Variants in MARCHF1 observed in about 807,000 individuals in gnomAD.
MARCHF1 encodes the protein membrane associated ring-CH-type finger 1, also known as E3 ubiquitin-protein ligase MARCHF1.
A neutral mutation model predicts 54.2 loss-of-function variants in MARCHF1; 40 were observed. That is an observed-to-expected ratio of 0.74 (90% CI 0.57 to 0.96). MARCHF1 has a LOEUF of 0.96. Ranked by LOEUF, MARCHF1 falls within the 40% of genes least tolerant of loss-of-function variation. The pLI, the probability that MARCHF1 is intolerant of heterozygous loss-of-function variation, is 0.00. For missense variants in MARCHF1, 586 were observed against 656.5 expected (o/e 0.89, Z 1.17); for synonymous variants, 236 against 236.3 (o/e 1.00, Z 0.01).
chr4:163,736,193 G>C (rs6536752), intron 4 of MARCHF1, among the ~76,000 whole-genome samples: 71,854 of 151,736 alleles, frequency 0.47, 17,073 homozygotes, highest in Admixed American at 0.51. Flanking sequence ...TTCTTTTTGG[G>C]ATATCCTAAT....
chr4:163,789,852 T>C (rs114678606), intron 4 of MARCHF1, among the ~76,000 whole-genome samples: 177 of 152,192 alleles, frequency 1.2e-3, no homozygotes, highest in Non-Finnish European at 2.1e-3. Context: ...TGCTCATCTA[T>C]TAAGTAGAAG....
chr4:163,938,320 G>A (rs1751844250), intron 3 of MARCHF1, among the ~76,000 whole-genome samples: 1 of 152,196 alleles, frequency 6.6e-6, no homozygotes, highest in South Asian at 2.1e-4. Flanking sequence ...TCCAATGATG[G>A]CAAATTACTA....
chr4:163,678,918 G>T (rs1217730075), intron 5 of MARCHF1, among the ~76,000 whole-genome samples: 1 of 152,122 alleles, frequency 6.6e-6, no homozygotes, highest in Non-Finnish European at 1.5e-5. Flanking sequence ...AATTTTATTT[G>T]ATGGTTTTAA....
At chr4:164,276,041 C>T (rs1733873022) in intron 1 of MARCHF1, among the ~76,000 whole-genome samples, 2 of 152,166 alleles carry the variant, frequency 1.3e-5, no homozygotes, top group Admixed American at 1.3e-4. Context: ...CCCATTTCAA[C>T]AATCTAAGTA....
At chr4:164,264,633 C>T (rs548505532) in intron 1 of MARCHF1, among the ~76,000 whole-genome samples, 1 of 152,014 alleles carries the variant, frequency 6.6e-6, no homozygotes, top group Admixed American at 6.6e-5. Context: ...ATGAGACCCA[C>T]CACTGGCTGG....
At position 164,313,544 on chromosome 4, in the gene MARCHF1, C is replaced by T. The variant is rs145657539; in HGVS notation, c.-323+70326G>A. On this transcript the variant is annotated intron_variant, in intron 1 of 9. Coordinates refer to ENST00000514618, the MANE Select transcript of MARCHF1 (RefSeq NM_001394959.1). Reference sequence around the variant, plus strand: ...AGAAATAAAGGAACAAAGCCTGAGACATGCCAGGCAGAGTAGTGAAGTGGG... The same window carrying T: ...AGAAATAAAGGAACAAAGCCTGAGATATGCCAGGCAGAGTAGTGAAGTGGG... Among the ~76,000 whole-genome samples, 184 of 152,210 alleles carry T rather than the reference C, an allele frequency of 1.2e-3. 4 individuals are homozygous for T. In the East Asian group the frequency reaches 0.033, roughly 27 times the overall value.
At chr4:163,587,719 C>T (rs1740454902) in intron 7 of MARCHF1, among the ~76,000 whole-genome samples, 1 of 152,028 alleles carries the variant, frequency 6.6e-6, no homozygotes, top group Non-Finnish European at 1.5e-5. Context: ...CAGCAGCATG[C>T]AATACACCCA....
chr4:163,777,204 T>C (rs1026076646), intron 4 of MARCHF1, among the ~76,000 whole-genome samples: 2 of 152,122 alleles, frequency 1.3e-5, no homozygotes, highest in Non-Finnish European at 2.9e-5. Flanking sequence ...TCTCTGAAGA[T>C]GAATGGGTTT....
intron 4 of MARCHF1, among the ~76,000 whole-genome samples, chr4:163,846,627 T>G (rs930773771): frequency 6.6e-6 from 1 of 152,170 alleles, no homozygotes; most frequent in African/African-American, 2.4e-5. Flanking sequence ...GGCAGAATAT[T>G]AGTATAACAG....
intron 1 of MARCHF1, among the ~76,000 whole-genome samples, chr4:164,270,746 A>G (rs1242271450): frequency 1.3e-5 from 2 of 152,206 alleles, no homozygotes; most frequent in Non-Finnish European, 2.9e-5. Context: ...ATACTAGGAA[A>G]AGAGGAAGGG....
intron 1 of MARCHF1, among the ~76,000 whole-genome samples, chr4:164,237,691 T>C (rs186421235): frequency 6.6e-6 from 1 of 152,186 alleles, no homozygotes; most frequent in Admixed American, 6.5e-5. Flanking sequence ...AAGTGCTTCT[T>C]TCTGCACTTA....
intron 2 of MARCHF1, among the ~76,000 whole-genome samples, chr4:164,016,469 T>A (rs1753545655): frequency 6.6e-6 from 1 of 152,038 alleles, no homozygotes; most frequent in African/African-American, 2.4e-5. Flanking sequence ...CCATATCACA[T>A]ATACACAATG....
intron 3 of MARCHF1, among the ~76,000 whole-genome samples, chr4:163,859,310 A>T (rs1271455493): frequency 1.3e-5 from 2 of 152,004 alleles, no homozygotes; most frequent in Non-Finnish European, 2.9e-5. Flanking sequence ...ACGGCACAAT[A>T]CAAGGAAGTA....
At chr4:163,676,472 C>A (rs956097852) in intron 5 of MARCHF1, among the ~76,000 whole-genome samples, 1 of 151,988 alleles carries the variant, frequency 6.6e-6, no homozygotes, top group East Asian at 1.9e-4. Flanking sequence ...AGAGGCTGTG[C>A]ATAGTAGGTC....
intron 3 of MARCHF1, among the ~76,000 whole-genome samples, chr4:163,987,196 C>G (rs1752886109): frequency 6.6e-6 from 1 of 152,124 alleles, no homozygotes; most frequent in African/African-American, 2.4e-5. Context: ...GAGAATGTGC[C>G]TGAGCATTCT....
At chr4:164,063,415 T>C (rs1754662222) in intron 2 of MARCHF1, among the ~76,000 whole-genome samples, 1 of 152,240 alleles carries the variant, frequency 6.6e-6, no homozygotes, top group African/African-American at 2.4e-5. Flanking sequence ...CCATCAACAC[T>C]TGAAGCTCCA....
At chr4:164,037,676 T>C (rs953597025) in intron 2 of MARCHF1, among the ~76,000 whole-genome samples, 7 of 152,160 alleles carry the variant, frequency 4.6e-5, no homozygotes, top group Admixed American at 1.3e-4. Context: ...TTCAATCCAA[T>C]GAGTACAGTA....
At chr4:164,358,093 CA>C (rs755940608) in intron 1 of MARCHF1, among the ~76,000 whole-genome samples, 5 of 152,130 alleles carry the variant, frequency 3.3e-5, no homozygotes, top group Non-Finnish European at 5.9e-5. Flanking sequence ...ATTCCCTCCA[CA>C]AAAACTTAGA....
At chr4:163,582,514 T>C (rs1740263447) in intron 8 of MARCHF1, among the ~76,000 whole-genome samples, 1 of 152,208 alleles carries the variant, frequency 6.6e-6, no homozygotes, top group South Asian at 2.1e-4. Context: ...TCTATGAAGA[T>C]TTGCACCTTT....
Sources: gnomAD v4.1 joint callset for allele counts (sites outside exome capture counted in the v4.1 genomes callset) on GRCh38, gnomAD v4.1.1 for gene constraint, MANE v1.5 for transcripts, NCBI Gene and HGNC (gene_info 2026-07-23, HGNC 2026-07-21) for gene names.